The following PAK5 variants were observed in gnomAD, a reference collection of about 807,000 sequenced individuals.
PAK5 encodes serine/threonine-protein kinase PAK 5.
Under a neutral mutation model 65.9 loss-of-function variants are expected in PAK5, and 16 were observed. That is an observed-to-expected ratio of 0.24 (90% CI 0.16 to 0.37). The LOEUF is 0.37. Ranked by LOEUF, PAK5 falls within the 10% of genes least tolerant of loss-of-function variation. The pLI is 1.00. For synonymous variants in PAK5, 371 were observed against 354.9 expected, an observed-to-expected ratio of 1.05 and a Z score of -0.51; for missense variants, 785 against 903.9, an observed-to-expected ratio of 0.87 and a Z score of 1.69.
chr20:9,706,236 G>A (rs912077293), intron 2 of PAK5, among the ~76,000 whole-genome samples: 9 of 152,048 alleles, frequency 5.9e-5, no homozygotes, highest in East Asian at 1.9e-4. Context: ...CTCTTCATTC[G>A]TTTTCACAAA....
chr20:9,714,902 G>A (rs996397250), intron 1 of PAK5, among the ~76,000 whole-genome samples: 3 of 152,116 alleles, frequency 2.0e-5, no homozygotes, highest in Non-Finnish European at 4.4e-5. Flanking sequence ...ATTCAAGATG[G>A]ATTAAGGACT....
At chr20:9,729,094 G>A (rs1324882116) in intron 1 of PAK5, among the ~76,000 whole-genome samples, 1 of 151,980 alleles carries the variant, frequency 6.6e-6, no homozygotes, top group Admixed American at 6.6e-5. Context: ...AATTAGCTGG[G>A]CATGGTGGTG....
At chr20:9,561,597 C>T (rs531705761) in intron 6 of PAK5, among the ~76,000 whole-genome samples, 14 of 152,040 alleles carry the variant, frequency 9.2e-5, no homozygotes, top group Non-Finnish European at 1.9e-4. Flanking sequence ...TGTAGAGCCA[C>T]GTAACATCTC....
Position 9,644,330 on chromosome 20 carries a change from A to T in PAK5, c.-2T>A. 6.2e-7 allele frequency: 1 copy of T among 1,608,218 alleles called. No homozygotes were observed. Among genetic ancestry groups the T allele is most frequent in the South Asian group, 1.1e-5 (1 of 90,458 alleles). On this transcript the variant is annotated 5_prime_UTR_variant, in exon 3 of 10. Coordinates refer to ENST00000353224, the MANE Select transcript of PAK5 (RefSeq NM_177990.4). ...CTTTTTCTTTTTCTTCCCAAACATG[A>T]TGCCAAAACCTGGGAAATATAAATG... is the stretch of plus-strand genomic sequence containing the variant.
At chr20:9,653,148 T>G (rs1235304061) in intron 2 of PAK5, among the ~76,000 whole-genome samples, 1 of 152,192 alleles carries the variant, frequency 6.6e-6, no homozygotes, top group East Asian at 1.9e-4. Context: ...AAAACATATT[T>G]AAATTTATTC....
At chr20:9,705,869 G>C (rs912062062) in intron 2 of PAK5, among the ~76,000 whole-genome samples, 1 of 152,148 alleles carries the variant, frequency 6.6e-6, no homozygotes, top group Non-Finnish European at 1.5e-5. Flanking sequence ...AACTACAAAA[G>C]TTTCCATTCT....
At chr20:9,564,560 C>A (rs942571995) in intron 5 of PAK5, among the ~76,000 whole-genome samples, 2 of 152,130 alleles carry the variant, frequency 1.3e-5, no homozygotes, top group Non-Finnish European at 2.9e-5. Context: ...GTCTCAATGA[C>A]GCTAGTGAAG....
chr20:9,564,129 C>T (rs887419982), intron 5 of PAK5, among the ~76,000 whole-genome samples: 1 of 152,176 alleles, frequency 6.6e-6, no homozygotes, highest in African/African-American at 2.4e-5. Context: ...TATTTTAGGA[C>T]TTAGATCTCT....
At position 9,674,006 on chromosome 20, in the gene PAK5, A is replaced by G. The variant is rs75022116; in HGVS notation, c.-11-29667T>C. ...AGAAAACTAGGAGATTCTGCTAGTT[A>G]GCATGCAAATGGGACTGATGTAATA... On this transcript the variant is annotated intron_variant, in intron 2 of 9. Transcript: ENST00000353224. 3.8e-3 allele frequency among the ~76,000 whole-genome samples: 581 copies of G among 152,342 alleles called. 6 individuals carry two copies. Among genetic ancestry groups the G allele is most frequent in the African/African-American group, 0.013 (543 of 41,592 alleles).
chr20:9,539,660 A>C, intron 9 of PAK5, 43 bp from the exon 10 acceptor site: 1 of 1,542,574 alleles, frequency 6.5e-7, no homozygotes, highest in Non-Finnish European at 8.9e-7. Context: ...TAACACAGAC[A>C]CCTAACCCAG....
At chr20:9,577,927 G>A (rs1400757450) in intron 4 of PAK5, among the ~76,000 whole-genome samples, 3 of 152,064 alleles carry the variant, frequency 2.0e-5, no homozygotes, top group African/African-American at 7.2e-5. Flanking sequence ...TTTCAGGGCA[G>A]GTCTGCTTTG....
At chr20:9,643,549 A>G (rs374951659) in intron 3 of PAK5, among the ~76,000 whole-genome samples, 1 of 152,192 alleles carries the variant, frequency 6.6e-6, no homozygotes, top group East Asian at 1.9e-4. Context: ...CTATAAAGAC[A>G]AATTTGAAAG....
chr20:9,651,961 G>A (rs4816158), intron 2 of PAK5, among the ~76,000 whole-genome samples: 53,241 of 152,020 alleles, frequency 0.35, 9,441 homozygotes, highest in East Asian at 0.53. Context: ...CTAGAGACAT[G>A]GTAGAAAGAA....
At chr20:9,737,084 T>G (rs912669722) in intron 1 of PAK5, among the ~76,000 whole-genome samples, 1 of 151,430 alleles carries the variant, frequency 6.6e-6, no homozygotes, top group Non-Finnish European at 1.5e-5. Context: ...GAAATAAAGA[T>G]ATTTTGAGAC....
In PAK5 at chr20:9,539,554, T is replaced by C. The variant is rs1056482833; in HGVS notation, c.2068A>G (p.Thr690Ala). ...MLVREPSQRA[T>A]AQELLGHPFL... ...GGATGTCCGAGGAGTTCCTGGGCTG[T>C]TGCTCTCTGAGAGGGCTCCCTCACC... The change falls in exon 10 of 10, where the codon ACA becomes GCA. Residue 690 changes from threonine to alanine, a missense_variant. Physicochemically the swap from Thr to Ala is moderately conservative, Grantham distance 58. Coordinates refer to ENST00000353224, the MANE Select transcript of PAK5 (RefSeq NM_177990.4). 80 of 1,613,640 alleles carry C rather than the reference T, an allele frequency of 5.0e-5. No homozygotes were observed. The highest frequency in any genetic ancestry group is 6.4e-5 in the Non-Finnish European group (76 of 1,179,882).
intron 1 of PAK5, among the ~76,000 whole-genome samples, chr20:9,742,094 C>A (rs1273443206): frequency 1.3e-5 from 2 of 152,104 alleles, no homozygotes; most frequent in Non-Finnish European, 2.9e-5. Context: ...TGCTATCCAA[C>A]CCTCACCACC....
At chr20:9,579,919 A>G (rs2045947486) in intron 4 of PAK5, among the ~76,000 whole-genome samples, 1 of 152,206 alleles carries the variant, frequency 6.6e-6, no homozygotes, top group South Asian at 2.1e-4. Flanking sequence ...ATGAGAAACC[A>G]CGTAGGAGGG....
intron 1 of PAK5, among the ~76,000 whole-genome samples, chr20:9,754,081 T>G (rs1220115415): frequency 1.3e-5 from 2 of 152,132 alleles, no homozygotes; most frequent in African/African-American, 4.8e-5. Context: ...ATTCTCCCCT[T>G]CCCATATCTT....
At chr20:9,794,708 G>C (rs2049086702) in intron 1 of PAK5, among the ~76,000 whole-genome samples, 1 of 152,060 alleles carries the variant, frequency 6.6e-6, no homozygotes, top group South Asian at 2.1e-4. Context: ...TAGGCACATT[G>C]AGTTTCCCTG....
Sources: allele counts gnomAD v4.1 joint callset (sites outside exome capture counted in the v4.1 genomes callset), GRCh38; gene constraint gnomAD v4.1.1; transcripts MANE v1.5; gene names NCBI Gene and HGNC (gene_info 2026-07-23, HGNC 2026-07-21).